PRKCZ: variants seen among roughly 807,000 people sequenced by gnomAD.
PRKCZ encodes protein kinase C zeta.
Under a neutral mutation model 79.5 loss-of-function variants are expected in PRKCZ, and 33 were observed. The ratio of observed to expected loss-of-function variants is 0.41; its 90% CI spans 0.31 to 0.55. The LOEUF is 0.55. PRKCZ is among the 20% of genes least tolerant of loss of function. The pLI is 0.19. For missense variants in PRKCZ, 578 were observed against 813.5 expected, an observed-to-expected ratio of 0.71 and a Z score of 3.52; for synonymous variants, 342 against 320.9, an observed-to-expected ratio of 1.07 and a Z score of -0.70.
At chr1:2,099,399 G>A (rs1178086819) in intron 4 of PRKCZ, among the ~76,000 whole-genome samples, 4 of 152,176 alleles carry the variant, frequency 2.6e-5, no homozygotes, top group Admixed American at 6.5e-5. Context: ...CTTGCTAATG[G>A]GCGGACCAGT....
At chr1:2,103,306 G>T (rs1314326340) in intron 4 of PRKCZ, among the ~76,000 whole-genome samples, 1 of 152,226 alleles carries the variant, frequency 6.6e-6, no homozygotes, top group Non-Finnish European at 1.5e-5. Flanking sequence ...ACTGGGAAAG[G>T]CTTCCCCGGG....
intron 4 of PRKCZ, among the ~76,000 whole-genome samples, chr1:2,081,930 G>A (rs898356245): frequency 3.9e-5 from 6 of 152,206 alleles, no homozygotes; most frequent in African/African-American, 9.6e-5. Context: ...CGGCACCATC[G>A]CTGGCCCCTC....
At chr1:2,144,121 T>G (rs427811) in intron 5 of PRKCZ, 89 bp from the exon 6 acceptor site, 396,344 of 1,479,954 alleles carry the variant, frequency 0.27, 55,194 homozygotes, top group Admixed American at 0.36. Flanking sequence ...TGTCCTCTTT[T>G]GAGAAGGTAT....
At chr1:2,180,178 G>T (rs967250824) in intron 16 of PRKCZ, among the ~76,000 whole-genome samples, 1 of 152,188 alleles carries the variant, frequency 6.6e-6, no homozygotes, top group African/African-American at 2.4e-5. Flanking sequence ...CTGGCCACCC[G>T]CGAACCCCTC....
rs529207164 is a variant in PRKCZ, at chr1:2,083,615, C to T, written c.334+24024C>T. Among the ~76,000 whole-genome samples the T allele has an allele frequency of 1.2e-3, 184 of 152,232 alleles. 1 individual carries two copies. The highest frequency in any genetic ancestry group is 4.0e-3 in the African/African-American group (167 of 41,534). On this transcript the variant is annotated intron_variant, in intron 4 of 17. Coordinates refer to ENST00000378567, the MANE Select transcript of PRKCZ (RefSeq NM_002744.6). ...GGTTGAGCCATCACACCTGCCTCTG[C>T]GTTCAGGCTGCTGCAGTGTTGGGTT...
At position 2,184,209 on chromosome 1, in the gene PRKCZ, TAC is replaced by T. The variant is rs200144388; in HGVS notation, c.1576-371_1576-370del. 925 of 247,996 alleles carry T rather than the reference TAC, an allele frequency of 3.7e-3. 4 individuals are homozygous for T. The highest frequency in any genetic ancestry group is 5.0e-3 in the Admixed American group (99 of 19,604). The allele number at this position is 247,996 out of a possible 1,614,324, so 15.4% of individuals were successfully genotyped here. On this transcript the variant is annotated intron_variant, in intron 16 of 17. Coordinates refer to ENST00000378567, the MANE Select transcript of PRKCZ (RefSeq NM_002744.6). ...CAGGCAGGGTGCTGTGGCCAGGTCCTACACCTTTATGGTCAGGGTTCCAAGAC... is the reference window on the plus strand; with the variant it reads ...CAGGCAGGGTGCTGTGGCCAGGTCCTACCTTTATGGTCAGGGTTCCAAGAC...
At chr1:2,068,628 C>CT (rs1661318615) in intron 4 of PRKCZ, among the ~76,000 whole-genome samples, 1 of 152,216 alleles carries the variant, frequency 6.6e-6, no homozygotes, top group African/African-American at 2.4e-5. Flanking sequence ...AGGACATGGA[C>CT]TTGTCTTTTT....
At chr1:2,158,931 C>CT (rs1212404674) in intron 10 of PRKCZ, among the ~76,000 whole-genome samples, 173 of 145,074 alleles carry the variant, frequency 1.2e-3, no homozygotes, top group Middle Eastern at 3.6e-3. Flanking sequence ...ATTTTTTTGC[C>CT]TTTTTTTTTT....
At position 2,177,290 on chromosome 1, in the gene PRKCZ, C is replaced by A. The variant is rs980665357; in HGVS notation, c.1575+1977C>A. The stretch of plus-strand genomic sequence containing the variant: ...CCGTAGCAGGTGCTTAGTAGAATTA[C>A]GTGAGGAGCCAGCATCCCCGCTCCC... On this transcript the variant is annotated intron_variant, in intron 16 of 17. Transcript: ENST00000378567. The surrounding 1 kb of genome is among the most constrained non-coding windows in gnomAD (Gnocchi z 6.4). 6.6e-6 allele frequency among the ~76,000 whole-genome samples: 1 copy of A among 152,166 alleles called. No homozygotes were observed. Among genetic ancestry groups the A allele is most frequent in the Non-Finnish European group, 1.5e-5 (1 of 68,030 alleles).
chr1:2,153,490 T>C (rs1215510207), intron 9 of PRKCZ, among the ~76,000 whole-genome samples: 2 of 152,146 alleles, frequency 1.3e-5, no homozygotes, highest in Non-Finnish European at 2.9e-5. Context: ...CAGCAGGGCG[T>C]GTCTGTGCAG....
chr1:2,073,970 C>G (rs747397120), intron 4 of PRKCZ: 3 of 1,388,722 alleles, frequency 2.2e-6, no homozygotes, highest in Non-Finnish European at 2.8e-6. Flanking sequence ...TCCGCGCCCC[C>G]GGGGCCGGGC....
chr1:2,156,921 C>CGTGT (rs746216713), intron 10 of PRKCZ, among the ~76,000 whole-genome samples: 1 of 151,596 alleles, frequency 6.6e-6, no homozygotes, highest in East Asian at 1.9e-4. Flanking sequence ...GTTGTGTGCA[C>CGTGT]GTGTGTGTGT....
chr1:2,151,003 CG>C, intron 9 of PRKCZ, 25 bp downstream of exon 9: 2 of 1,610,258 alleles, frequency 1.2e-6, no homozygotes, highest in Non-Finnish European at 1.7e-6. Context: ...TCATGGGGCC[CG>C]GGGGCCCGGG....
chr1:2,135,226 C>A, intron 4 of PRKCZ, 36 bp from the exon 5 acceptor site: 2 of 1,573,238 alleles, frequency 1.3e-6, no homozygotes, highest in Non-Finnish European at 1.7e-6. Flanking sequence ...GTGGCTGCCA[C>A]GCTGTTTCTT....
intron 9 of PRKCZ, among the ~76,000 whole-genome samples, chr1:2,154,557 C>T (rs767965812): frequency 2.6e-5 from 4 of 152,132 alleles, no homozygotes; most frequent in Non-Finnish European, 5.9e-5. Context: ...ATAAAATTGC[C>T]AAGTGTGGCA....
intron 10 of PRKCZ, among the ~76,000 whole-genome samples, chr1:2,162,024 C>T (rs1682421774): frequency 6.6e-6 from 1 of 152,156 alleles, no homozygotes; most frequent in Non-Finnish European, 1.5e-5. Flanking sequence ...GACTAACCAG[C>T]GTCACCATCC....
At position 2,120,696 on chromosome 1, in the gene PRKCZ, C is replaced by T. The variant is rs117150196; in HGVS notation, c.335-14566C>T. ...TGCTCTTTTTTCTGGGTTTCTTCTGCGTTGGTTTTTTCCCGCTTTGTGCTT... is the reference window on the plus strand; with the variant it reads ...TGCTCTTTTTTCTGGGTTTCTTCTGTGTTGGTTTTTTCCCGCTTTGTGCTT... On this transcript the variant is annotated intron_variant, in intron 4 of 17. Coordinates refer to ENST00000378567, the MANE Select transcript of PRKCZ (RefSeq NM_002744.6). 3.2e-3 allele frequency among the ~76,000 whole-genome samples: 480 copies of T among 152,146 alleles called. 12 individuals carry two copies. In the East Asian group the frequency reaches 0.066, roughly 21 times the overall value.
intron 4 of PRKCZ, among the ~76,000 whole-genome samples, chr1:2,102,316 T>G (rs1571379049): frequency 8.1e-6 from 1 of 123,110 alleles, no homozygotes; most frequent in Non-Finnish European, 1.5e-5. Context: ...TTTATTGCGT[T>G]TTTTTTTTTG....
chr1:2,180,596 G>A (rs1370871690), intron 16 of PRKCZ, among the ~76,000 whole-genome samples: 2 of 151,968 alleles, frequency 1.3e-5, no homozygotes, highest in East Asian at 1.9e-4. Context: ...CACGGACGAC[G>A]TGGACGCACG....
Sources: gnomAD v4.1 joint callset for allele counts (sites outside exome capture counted in the v4.1 genomes callset) on GRCh38, gnomAD v4.1.1 for gene constraint, Gnocchi (gnomAD v3.1) non-coding constraint, MANE v1.5 for transcripts, NCBI Gene and HGNC (gene_info 2026-07-23, HGNC 2026-07-21) for gene names.